Variants in FOCAD observed in about 807,000 individuals in gnomAD.
The protein encoded by FOCAD is focadhesin.
Under a neutral mutation model 225.6 loss-of-function variants are expected in FOCAD, and 198 were observed. The ratio of observed to expected loss-of-function variants is 0.88; its 90% CI spans 0.78 to 0.99. The LOEUF is 0.99. Ranked by LOEUF, FOCAD falls within the 50% of genes least tolerant of loss-of-function variation. The pLI is 0.00. For missense variants in FOCAD, 2,713 were observed against 2,123.6 expected (o/e 1.28, Z -5.46); for synonymous variants, 897 against 755.0 (o/e 1.19, Z -3.08).
chr9:20,909,782 TA>T (rs774754386), intron 22 of FOCAD, among the ~76,000 whole-genome samples: 10 of 152,214 alleles, frequency 6.6e-5, no homozygotes, highest in South Asian at 6.2e-4. Flanking sequence ...TCCACACGCT[TA>T]AATAGAGTTT....
chr9:20,714,444 A>G (rs954103168), intron 1 of FOCAD, among the ~76,000 whole-genome samples: 3 of 152,164 alleles, frequency 2.0e-5, no homozygotes, highest in African/African-American at 7.2e-5. Context: ...TTTTAATTAT[A>G]TTGTAAAAGT....
intron 15 of FOCAD, among the ~76,000 whole-genome samples, chr9:20,834,849 C>A (rs1369392537): frequency 6.6e-6 from 1 of 151,900 alleles, no homozygotes; most frequent in Non-Finnish European, 1.5e-5. Flanking sequence ...TTGTGATGTG[C>A]TATACATACA....
intron 35 of FOCAD, among the ~76,000 whole-genome samples, chr9:20,965,609 G>A (rs1230590098): frequency 6.6e-6 from 1 of 152,020 alleles, no homozygotes; most frequent in African/African-American, 2.4e-5. Flanking sequence ...TTACAATATT[G>A]TGGTGCCATC....
chr9:20,831,905 T>C (rs914501854), intron 15 of FOCAD, among the ~76,000 whole-genome samples: 10 of 152,094 alleles, frequency 6.6e-5, no homozygotes, highest in African/African-American at 1.9e-4. Context: ...ACTTTCCGTC[T>C]GCATAGATAT....
chr9:20,943,122 C>A (rs528416982), intron 28 of FOCAD, among the ~76,000 whole-genome samples: 8 of 152,288 alleles, frequency 5.3e-5, no homozygotes, highest in African/African-American at 1.9e-4. Flanking sequence ...GCTTTACATT[C>A]ATATTAATCA....
At chr9:20,838,089 A>C (rs1441576574) in intron 15 of FOCAD, among the ~76,000 whole-genome samples, 1 of 152,126 alleles carries the variant, frequency 6.6e-6, no homozygotes, top group African/African-American at 2.4e-5. Flanking sequence ...TAAACAATGC[A>C]ATGTATACCT....
At chr9:20,671,859 C>CAGG (rs1822073243) in intron 2 of FOCAD, among the ~76,000 whole-genome samples, 1 of 152,200 alleles carries the variant, frequency 6.6e-6, no homozygotes, top group African/African-American at 2.4e-5. Context: ...CTGGCTTGTA[C>CAGG]AGGCTCCTGA....
At chr9:20,993,223 CTTT>C (rs1335713151) in intron 42 of FOCAD, 27 bp from the exon 43 acceptor site, 1 of 1,578,658 alleles carries the variant, frequency 6.3e-7, no homozygotes, top group Non-Finnish European at 8.7e-7. Flanking sequence ...GGATTCTCTT[CTTT>C]GACACTATTT....
At chr9:20,980,145 C>T (rs2132617597) in intron 37 of FOCAD, among the ~76,000 whole-genome samples, 1 of 151,264 alleles carries the variant, frequency 6.6e-6, no homozygotes, top group East Asian at 1.9e-4. Context: ...ATATAAATTT[C>T]ATATAAATTT....
chr9:20,766,530 CTCAT>C (rs1325362966), intron 7 of FOCAD, among the ~76,000 whole-genome samples: 1 of 152,034 alleles, frequency 6.6e-6, no homozygotes, highest in Non-Finnish European at 1.5e-5. Flanking sequence ...CTTCATTTTT[CTCAT>C]TCATTCATTT....
chr9:20,832,182 CT>C (rs1463305138), intron 15 of FOCAD, among the ~76,000 whole-genome samples: 1 of 151,806 alleles, frequency 6.6e-6, no homozygotes, highest in Non-Finnish European at 1.5e-5. Context: ...GAGTTTCATC[CT>C]TTTTTTGGTG....
At chr9:20,707,104 C>T (rs745442884) in intron 1 of FOCAD, among the ~76,000 whole-genome samples, 1 of 152,116 alleles carries the variant, frequency 6.6e-6, no homozygotes, top group Non-Finnish European at 1.5e-5. Context: ...TTTGTTAATA[C>T]AAAAGAAGAG....
exon 1 of FOCAD, chr9:20,658,459 G>C (rs1027109353): frequency 3.8e-5 from 6 of 156,920 alleles, no homozygotes; most frequent in African/African-American, 1.4e-4. Context: ...CTCCAAGCCA[G>C]GTGCGGAATA....
intron 15 of FOCAD, among the ~76,000 whole-genome samples, chr9:20,861,050 C>A (rs556086441): frequency 6.6e-6 from 1 of 152,202 alleles, no homozygotes; most frequent in South Asian, 2.1e-4. Flanking sequence ...TTCATTCTTT[C>A]TTCAAATCTC....
At chr9:20,951,770 T>C (rs2132382581) in intron 34 of FOCAD, among the ~76,000 whole-genome samples, 1 of 152,292 alleles carries the variant, frequency 6.6e-6, no homozygotes, top group East Asian at 1.9e-4. Context: ...CTTGGAGATT[T>C]TCTGGGGAAG....
At chr9:20,685,288 T>A (rs1421500572) in intron 1 of FOCAD, among the ~76,000 whole-genome samples, 2 of 151,784 alleles carry the variant, frequency 1.3e-5, no homozygotes, top group African/African-American at 4.8e-5. Flanking sequence ...CAGTAATGAC[T>A]CCAGGTTTCA....
intron 15 of FOCAD, among the ~76,000 whole-genome samples, chr9:20,857,405 T>C (rs1215949229): frequency 6.6e-6 from 1 of 152,056 alleles, no homozygotes; most frequent in Non-Finnish European, 1.5e-5. Context: ...TTGTCCATTG[T>C]TGGCATATAG....
At chr9:20,728,301 G>T (rs181379526) in intron 4 of FOCAD, among the ~76,000 whole-genome samples, 202 of 152,122 alleles carry the variant, frequency 1.3e-3, no homozygotes, top group African/African-American at 4.8e-3. Flanking sequence ...GAGATATCTT[G>T]GATAGACCCA....
intron 21 of FOCAD, among the ~76,000 whole-genome samples, chr9:20,886,782 C>G (rs1289382951): frequency 1.3e-5 from 2 of 152,180 alleles, no homozygotes; most frequent in Non-Finnish European, 2.9e-5. Flanking sequence ...GCTTAAAACA[C>G]AAAGGCTGGG....
Sources: allele counts gnomAD v4.1 joint callset (sites outside exome capture counted in the v4.1 genomes callset), GRCh38; gene constraint gnomAD v4.1.1; transcripts MANE v1.5; gene names NCBI Gene and HGNC (gene_info 2026-07-23, HGNC 2026-07-21).